ARSB: variants seen among roughly 807,000 people sequenced by gnomAD.
ARSB encodes the protein arylsulfatase B, also known as N-acetylgalactosamine-4-sulfatase.
In ARSB, 41 loss-of-function variants were observed where a neutral mutation model predicts 50.9. The observed-to-expected ratio is 0.81, with a 90% CI of 0.63 to 1.04. The LOEUF (loss-of-function observed/expected upper bound fraction) is 1.04. Among genes scored for constraint, ARSB ranks in the 50% least tolerant of loss-of-function variants. The probability of loss-of-function intolerance (pLI) is 0.00; values close to 1 mark genes in which losing one functional copy is unlikely to be tolerated. For missense variants in ARSB, 672 were observed against 693.3 expected (o/e 0.97, Z 0.35); for synonymous variants, 269 against 284.8 (o/e 0.94, Z 0.56).
intron 4 of ARSB, among the ~76,000 whole-genome samples, chr5:78,939,038 C>T (rs765888168): frequency 6.6e-4 from 101 of 152,272 alleles, no homozygotes; most frequent in Admixed American, 3.7e-3. Flanking sequence ...TTCTGCTCTC[C>T]GTCTCATGTG....
rs916925710 is a variant in ARSB, at chr5:78,967,674, A to T, written c.499+1332T>A. 2.5e-4 allele frequency among the ~76,000 whole-genome samples: 14 copies of T among 55,508 alleles called. No homozygotes were observed. The East Asian group carries it at 4.0e-3, about 16-fold the overall frequency. The allele number at this position is 55,508 out of a possible 152,430, so 36.4% of individuals were successfully genotyped here. ...GGCAACAGAGCGAGACTCCGTATATAAAAAAAAAAAAAAAAGAAATTTCAA... is the reference window on the plus strand; with the variant it reads ...GGCAACAGAGCGAGACTCCGTATATTAAAAAAAAAAAAAAAGAAATTTCAA... On this transcript the variant is annotated intron_variant, in intron 2 of 7. Coordinates refer to ENST00000264914, the MANE Select transcript of ARSB (RefSeq NM_000046.5).
intron 4 of ARSB, among the ~76,000 whole-genome samples, chr5:78,949,276 A>G (rs900039361): frequency 6.6e-6 from 1 of 152,250 alleles, no homozygotes; most frequent in Non-Finnish European, 1.5e-5. Context: ...ATCACCAAAT[A>G]TAATCCAACA....
chr5:78,985,055 G>T lies in ARSB; in HGVS notation c.194C>A (p.Ser65Tyr). Reference protein sequence around the residue: ...LGWNDVGFHGSRIRTPHLDAL... With the variant: ...LGWNDVGFHGYRIRTPHLDAL... The stretch of plus-strand genomic sequence containing the variant: ...GTCCAGGTGCGGCGTGCGGATGCGG[G>T]AGCCGTGGAAGCCGACGTCGTTCCA... The change falls in exon 1 of 8, where the codon TCC (serine) becomes TAC (tyrosine). Residue 65 changes from serine to tyrosine, a missense_variant. Physicochemically the swap from Ser to Tyr is moderately radical, Grantham distance 144 (BLOSUM62 -2). Transcript: ENST00000264914. The T allele has an allele frequency of 6.5e-7, 1 of 1,541,968 alleles. No individual in the cohort carries two copies. The highest frequency in any genetic ancestry group is 1.4e-5 in the African/African-American group (1 of 70,302).
intron 5 of ARSB, among the ~76,000 whole-genome samples, chr5:78,860,239 T>C (rs1451549645): frequency 1.3e-5 from 2 of 152,142 alleles, no homozygotes; most frequent in East Asian, 1.9e-4. Context: ...AGTCTCCCAT[T>C]ATTATTGTGT....
chr5:78,906,175 A>G (rs953094469), intron 4 of ARSB, among the ~76,000 whole-genome samples: 1 of 152,020 alleles, frequency 6.6e-6, no homozygotes, highest in Admixed American at 6.5e-5. Flanking sequence ...AAATTAAAAA[A>G]AAAAAAAATT....
At chr5:78,838,993 G>A (rs765905873) in intron 6 of ARSB, among the ~76,000 whole-genome samples, 1 of 152,198 alleles carries the variant, frequency 6.6e-6, no homozygotes, top group Non-Finnish European at 1.5e-5. Flanking sequence ...TTTCTGGAAG[G>A]TGGCTCTGGA....
At chr5:78,924,082 A>G (rs767222269) in intron 4 of ARSB, among the ~76,000 whole-genome samples, 9 of 152,174 alleles carry the variant, frequency 5.9e-5, no homozygotes, top group South Asian at 4.1e-4. Context: ...CTGCTGCAGT[A>G]TCCTCACCAA....
At chr5:78,903,585 A>G (rs1440782499) in intron 4 of ARSB, among the ~76,000 whole-genome samples, 1 of 152,070 alleles carries the variant, frequency 6.6e-6, no homozygotes, top group Non-Finnish European at 1.5e-5. Flanking sequence ...TTTATACTGC[A>G]TTTTTTCAGC....
At chr5:78,847,798 C>T (rs1399092601) in intron 5 of ARSB, among the ~76,000 whole-genome samples, 3 of 152,058 alleles carry the variant, frequency 2.0e-5, no homozygotes, top group Non-Finnish European at 4.4e-5. Flanking sequence ...TGGCACATTG[C>T]ATGTATACAT....
rs142386361 is a variant in ARSB at position 78,939,623 on chromosome 5, T to A, written c.898+15672A>T. Among the ~76,000 whole-genome samples, 1,239 of 152,342 alleles carry A rather than the reference T, an allele frequency of 8.1e-3. 18 individuals are homozygous for A. Among genetic ancestry groups the A allele is most frequent in the African/African-American group, 0.029 (1,199 of 41,556 alleles). On this transcript the variant is annotated intron_variant, in intron 4 of 7. Coordinates refer to ENST00000264914, the MANE Select transcript of ARSB (RefSeq NM_000046.5). Reference sequence around the variant, plus strand: ...TAAAGGACATGAACTCATCATTTTTTATGGCTGCAAGTATTCCATGGTGTG... The same window carrying A: ...TAAAGGACATGAACTCATCATTTTTAATGGCTGCAAGTATTCCATGGTGTG...
rs1456518696 is a variant in ARSB at position 78,981,214 on chromosome 5, T to G, written c.312+3723A>C. Among the ~76,000 whole-genome samples, 6 of 146,888 alleles carry G rather than the reference T, an allele frequency of 4.1e-5. 1 individual carries two copies. Among genetic ancestry groups the G allele is most frequent in the Admixed American group, 6.9e-5 (1 of 14,544 alleles). On this transcript the variant is annotated intron_variant, in intron 1 of 7. Coordinates refer to ENST00000264914, the MANE Select transcript of ARSB (RefSeq NM_000046.5). ...ATCCGCCCGCCTCGGCCTCCCAAAG[T>G]GCTGGGATTACAGGCGTGAGCCACC...
At chr5:78,963,354 G>A (rs190984704) in intron 3 of ARSB, among the ~76,000 whole-genome samples, 1 of 152,336 alleles carries the variant, frequency 6.6e-6, no homozygotes, top group East Asian at 1.9e-4. Flanking sequence ...CCCAGCCTCA[G>A]CTATTCCTTT....
At chr5:78,873,558 G>T (rs546614586) in intron 5 of ARSB, among the ~76,000 whole-genome samples, 7 of 133,362 alleles carry the variant, frequency 5.2e-5, no homozygotes, top group South Asian at 2.5e-4. Flanking sequence ...TGCAGTGGCG[G>T]GATCTCGGCT....
intron 5 of ARSB, among the ~76,000 whole-genome samples, chr5:78,871,778 A>T (rs1747196745): frequency 1.5e-5 from 2 of 136,568 alleles, no homozygotes; most frequent in Admixed American, 1.6e-4. Context: ...TGTCCAAAAC[A>T]CCAAAAGCAA....
intron 6 of ARSB, among the ~76,000 whole-genome samples, chr5:78,820,454 G>T (rs11743312): frequency 0.15 from 22,696 of 151,888 alleles, 1,836 homozygotes; most frequent in Non-Finnish European, 0.17. Context: ...CCACCTACTC[G>T]GGAGGCTGAG....
intron 4 of ARSB, among the ~76,000 whole-genome samples, chr5:78,912,197 A>C (rs1749341078): frequency 6.6e-6 from 1 of 152,246 alleles, no homozygotes; most frequent in Non-Finnish European, 1.5e-5. Context: ...GTAGTACACA[A>C]AAGCCATGGG....
chr5:78,914,707 C>T (rs144775246), intron 4 of ARSB, among the ~76,000 whole-genome samples: 295 of 152,292 alleles, frequency 1.9e-3, no homozygotes, highest in Non-Finnish European at 3.4e-3. Flanking sequence ...GACAGAGTCT[C>T]GCTCTGTCAC....
chr5:78,976,129 T>A (rs1752650530), intron 1 of ARSB, among the ~76,000 whole-genome samples: 1 of 151,960 alleles, frequency 6.6e-6, no homozygotes, highest in Non-Finnish European at 1.5e-5. Context: ...CCAAGCGATA[T>A]CAAGAAACCA....
At chr5:78,847,510 C>T (rs906821050) in intron 5 of ARSB, among the ~76,000 whole-genome samples, 1 of 152,258 alleles carries the variant, frequency 6.6e-6, no homozygotes, top group East Asian at 1.9e-4. Flanking sequence ...ATTGGGGATA[C>T]TGGCCTAAAG....
Sources: allele counts gnomAD v4.1 joint callset (sites outside exome capture counted in the v4.1 genomes callset), GRCh38; gene constraint gnomAD v4.1.1; transcripts MANE v1.5; gene names NCBI Gene and HGNC (gene_info 2026-07-23, HGNC 2026-07-21).